GALNT10: variants seen among roughly 807,000 people sequenced by gnomAD.
The protein encoded by GALNT10 is GalNAc transferase 10.
GALNT10 carries 41 observed loss-of-function variants against 75.0 expected under a neutral mutation model. The ratio of observed to expected loss-of-function variants is 0.55; its 90% CI spans 0.43 to 0.71. The LOEUF is 0.71. Ranked by LOEUF, GALNT10 falls within the 30% of genes least tolerant of loss-of-function variation. GALNT10 has a pLI of 0.00. For missense variants in GALNT10, 727 were observed against 818.5 expected, an observed-to-expected ratio of 0.89 and a Z score of 1.36; for synonymous variants, 302 against 313.0, an observed-to-expected ratio of 0.96 and a Z score of 0.37.
chr5:154,379,057 A>C (rs1269408088), intron 5 of GALNT10, among the ~76,000 whole-genome samples: 1 of 152,128 alleles, frequency 6.6e-6, no homozygotes, highest in Non-Finnish European at 1.5e-5. Flanking sequence ...TGAGTTTTTT[A>C]AACACACCCC....
intron 3 of GALNT10, among the ~76,000 whole-genome samples, chr5:154,311,661 G>C (rs1350192286): frequency 6.6e-6 from 1 of 151,622 alleles, no homozygotes; most frequent in Non-Finnish European, 1.5e-5. Context: ...GCCCAGGCTG[G>C]AGTGCAGTGA....
intron 1 of GALNT10, among the ~76,000 whole-genome samples, chr5:154,279,064 T>TA (rs1186947941): frequency 6.6e-6 from 1 of 152,180 alleles, no homozygotes; most frequent in Non-Finnish European, 1.5e-5. Context: ...GATACATACC[T>TA]AAAATGGAAT....
At chr5:154,342,050 G>A (rs77923178) in intron 4 of GALNT10, among the ~76,000 whole-genome samples, 2,093 of 152,240 alleles carry the variant, frequency 0.014, 45 homozygotes, top group African/African-American at 0.046. Context: ...GTACTGCACC[G>A]TGACAGGGCC....
intron 1 of GALNT10, among the ~76,000 whole-genome samples, chr5:154,209,320 T>C (rs531754903): frequency 6.6e-6 from 1 of 152,332 alleles, no homozygotes; most frequent in African/African-American, 2.4e-5. Context: ...CTAACCACTG[T>C]TAACATCATG....
intron 1 of GALNT10, among the ~76,000 whole-genome samples, chr5:154,211,677 T>C (rs1335102553): frequency 6.6e-6 from 1 of 152,196 alleles, no homozygotes; most frequent in African/African-American, 2.4e-5. Flanking sequence ...GAGGTCGCTA[T>C]CAAGATGTTG....
intron 1 of GALNT10, among the ~76,000 whole-genome samples, chr5:154,292,936 G>T (rs1288667541): frequency 6.6e-6 from 1 of 152,106 alleles, no homozygotes; most frequent in Non-Finnish European, 1.5e-5. Context: ...TTCTAAGAAT[G>T]CTGAGAACTG....
rs370103391 is a variant in GALNT10, at chr5:154,330,908, G to GGTGTGTGTGTGTGTGTGTGTGTGTGT, written c.568+1175_568+1200dup. On this transcript the variant is annotated intron_variant, in intron 4 of 11. Transcript: ENST00000297107. ...ACAGAGGCCTCAGAGAGACAGAGAG[G>GGTGTGTGTGTGTGTGTGTGTGTGTGT]GTGTGTGTGTGTGTGTGTGTGTGTG... Among the ~76,000 whole-genome samples the GGTGTGTGTGTGTGTGTGTGTGTGTGT allele has an allele frequency of 1.5e-4, 19 of 126,034 alleles. 1 individual carries two copies. In the East Asian group the frequency reaches 2.8e-3, roughly 19 times the overall value. The allele number at this position is 126,034 out of a possible 152,430, so 82.7% of individuals were successfully genotyped here. A position where few individuals can be genotyped will look rare whatever the true frequency, so the allele number is the denominator to read the frequency against.
intron 7 of GALNT10, among the ~76,000 whole-genome samples, chr5:154,394,439 G>A (rs1755975005): frequency 6.6e-6 from 1 of 152,064 alleles, no homozygotes; most frequent in Non-Finnish European, 1.5e-5. Context: ...CTGAGCAAGG[G>A]TGATATTGCA....
intron 4 of GALNT10, among the ~76,000 whole-genome samples, chr5:154,368,701 G>A (rs997670172): frequency 2.6e-5 from 4 of 152,198 alleles, no homozygotes; most frequent in Non-Finnish European, 5.9e-5. Context: ...TTTCCAAACA[G>A]TAAATGATGC....
intron 1 of GALNT10, among the ~76,000 whole-genome samples, chr5:154,248,943 A>C (rs1433861077): frequency 1.3e-5 from 2 of 152,238 alleles, no homozygotes; most frequent in Non-Finnish European, 2.9e-5. Context: ...GCTCCAGATA[A>C]GTTGCTGGAA....
At chr5:154,310,030 G>A (rs953947325) in intron 3 of GALNT10, among the ~76,000 whole-genome samples, 1 of 152,160 alleles carries the variant, frequency 6.6e-6, no homozygotes, top group Admixed American at 6.5e-5. Context: ...TGTGGTCAGC[G>A]TTCAGGTTAT....
chr5:154,223,206 A>G (rs1312735216), intron 1 of GALNT10, among the ~76,000 whole-genome samples: 1 of 152,220 alleles, frequency 6.6e-6, no homozygotes, highest in Non-Finnish European at 1.5e-5. Context: ...GAGAGGCGTA[A>G]GGCATGCATT....
intron 3 of GALNT10, among the ~76,000 whole-genome samples, chr5:154,323,276 G>T (rs181999773): frequency 5.9e-5 from 9 of 152,286 alleles, no homozygotes; most frequent in African/African-American, 1.7e-4. Context: ...GGAGACTGAG[G>T]TGGGAGGATC....
intron 3 of GALNT10, among the ~76,000 whole-genome samples, chr5:154,323,310 T>C (rs972704711): frequency 6.6e-6 from 1 of 151,768 alleles, no homozygotes; most frequent in Non-Finnish European, 1.5e-5. Flanking sequence ...AGTTTGAAAC[T>C]GCAGTGAGCT....
intron 4 of GALNT10, chr5:154,347,122 A>G (rs746802645): frequency 7.7e-6 from 4 of 516,486 alleles, no homozygotes; most frequent in Non-Finnish European, 1.6e-5. Context: ...ATGTGTGCCA[A>G]GATCTGTTCA....
At chr5:154,401,986 C>T (rs1173971640) in intron 7 of GALNT10, among the ~76,000 whole-genome samples, 1 of 152,166 alleles carries the variant, frequency 6.6e-6, no homozygotes, top group Non-Finnish European at 1.5e-5. Flanking sequence ...GTCCCCCCAT[C>T]GCCTCAGCAC....
At chr5:154,372,098 G>A (rs1755581630) in intron 4 of GALNT10, among the ~76,000 whole-genome samples, 1 of 152,124 alleles carries the variant, frequency 6.6e-6, no homozygotes, top group African/African-American at 2.4e-5. Context: ...GTTTAACAAA[G>A]AAAACTACAG....
At chr5:154,293,613 A>ATTTT (rs1201863629) in intron 1 of GALNT10, among the ~76,000 whole-genome samples, 1 of 109,356 alleles carries the variant, frequency 9.1e-6, no homozygotes, top group African/African-American at 4.2e-5. Context: ...ATATATATAT[A>ATTTT]TTTTTTTTTT....
rs148270866 is a variant in GALNT10, at chr5:154,385,967, A to G, written c.939-346A>G. ...ACAGACAGGCTTGGAGAGACCCCCA[A>G]CTTGGACCATTTAACTAGTGAGAGG... On this transcript the variant is annotated intron_variant, in intron 6 of 11. Transcript: ENST00000297107. Among the ~76,000 whole-genome samples the G allele has an allele frequency of 5.5e-4, 83 of 152,268 alleles. 1 individual carries two copies. Among genetic ancestry groups the G allele is most frequent in the African/African-American group, 1.9e-3 (80 of 41,552 alleles).
Sources: gnomAD v4.1 joint callset for allele counts (sites outside exome capture counted in the v4.1 genomes callset) on GRCh38, gnomAD v4.1.1 for gene constraint, MANE v1.5 for transcripts, NCBI Gene and HGNC (gene_info 2026-07-23, HGNC 2026-07-21) for gene names.